The following AUTS2 variants were observed in gnomAD, a reference collection of about 807,000 sequenced individuals.
The protein encoded by AUTS2 is activator of transcription and developmental regulator AUTS2.
AUTS2 carries 17 observed loss-of-function variants against 112.4 expected under a neutral mutation model. The observed-to-expected ratio is 0.15, with a 90% confidence interval of 0.10 to 0.23. The LOEUF is 0.23. Ranked by LOEUF, AUTS2 falls within the 10% of genes least tolerant of loss-of-function variation. The probability of loss-of-function intolerance (pLI) is 1.00; values close to 1 mark genes in which losing one functional copy is unlikely to be tolerated. For synonymous variants in AUTS2, 751 were observed against 702.7 expected (o/e 1.07, Z -1.09); for missense variants, 1,510 against 1,701.6 (o/e 0.89, Z 1.98).
At chr7:69,977,944 G>A (rs906969725) in intron 2 of AUTS2, among the ~76,000 whole-genome samples, 35 of 152,214 alleles carry the variant, frequency 2.3e-4, no homozygotes, top group South Asian at 1.5e-3. Flanking sequence ...TTTATTTTAT[G>A]TATAATGTTG....
At chr7:70,334,875 G>A (rs942971036) in intron 4 of AUTS2, among the ~76,000 whole-genome samples, 2 of 152,168 alleles carry the variant, frequency 1.3e-5, no homozygotes, top group Non-Finnish European at 2.9e-5. Flanking sequence ...TATGTATGGA[G>A]ATAGACCTGC....
Position 70,790,744 on chromosome 7 carries a change from C to T in AUTS2, c.3528C>T (p.Asp1176=), listed in dbSNP as rs370411881. ...ACTCCGTGCACCCCGCCTCCCTCGA[C>T]GGACACCTCCCCCACCCCAGCCTCA... ...RLHSVHPASL[D]GHLPHPSLIT... Residue 1176 remains aspartate, a synonymous_variant, in exon 19 of 19, where the codon GAC becomes GAT. Transcript: ENST00000342771. This position sits in a 1 kb window ranked among gnomAD's most constrained non-coding sequence, Gnocchi z 7.6. 7.4e-6 allele frequency: 12 copies of T among 1,613,390 alleles called. No homozygotes were observed. The highest frequency in any genetic ancestry group is 6.7e-5 in the Admixed American group (4 of 59,986).
intron 5 of AUTS2, among the ~76,000 whole-genome samples, chr7:70,554,503 T>C (rs1280910773): frequency 1.3e-5 from 2 of 148,546 alleles, no homozygotes; most frequent in African/African-American, 5.0e-5. Context: ...CATTTATTAA[T>C]AACCCCCAAC....
At chr7:70,658,680 T>C (rs1012543345) in intron 5 of AUTS2, among the ~76,000 whole-genome samples, 1 of 152,188 alleles carries the variant, frequency 6.6e-6, no homozygotes, top group African/African-American at 2.4e-5. Context: ...AACAGCCCAG[T>C]GTCTTGGAAA....
intron 6 of AUTS2, among the ~76,000 whole-genome samples, chr7:70,737,910 T>C (rs1787865542): frequency 6.6e-6 from 1 of 152,164 alleles, no homozygotes; most frequent in African/African-American, 2.4e-5. Flanking sequence ...TGCAGCCAAT[T>C]AGCAATAAAG....
intron 5 of AUTS2, among the ~76,000 whole-genome samples, chr7:70,612,653 T>A (rs1220598325): frequency 6.6e-6 from 1 of 152,088 alleles, no homozygotes; most frequent in East Asian, 1.9e-4. Flanking sequence ...ACCTTCCATT[T>A]CAAGGAGACT....
chr7:69,711,122 A>G (rs1462401705), intron 1 of AUTS2, among the ~76,000 whole-genome samples: 1 of 152,176 alleles, frequency 6.6e-6, no homozygotes, highest in Non-Finnish European at 1.5e-5. Flanking sequence ...TATTTAAAGT[A>G]TGATTGAGGT....
intron 5 of AUTS2, among the ~76,000 whole-genome samples, chr7:70,563,626 G>A (rs769878972): frequency 8.5e-5 from 13 of 152,152 alleles, no homozygotes; most frequent in Non-Finnish European, 1.3e-4. Context: ...CGGAGATGGC[G>A]GAGAGGGATT....
intron 4 of AUTS2, chr7:70,290,870 A>G (rs2129611912): frequency 6.1e-6 from 1 of 165,120 alleles, no homozygotes; most frequent in South Asian, 2.0e-4. Flanking sequence ...GCCAAACATA[A>G]TCGACAGTTA....
At chr7:70,396,554 T>C (rs1158779317) in intron 4 of AUTS2, among the ~76,000 whole-genome samples, 2 of 152,120 alleles carry the variant, frequency 1.3e-5, no homozygotes, top group Admixed American at 1.3e-4. Context: ...TGTTTGTATC[T>C]TTAGTAGAGA....
At chr7:69,686,369 G>C (rs1032378465) in intron 1 of AUTS2, among the ~76,000 whole-genome samples, 1 of 152,060 alleles carries the variant, frequency 6.6e-6, no homozygotes, top group Admixed American at 6.6e-5. Flanking sequence ...CTAAAAATAG[G>C]AATAAATCCT....
chr7:70,184,656 G>T (rs1809502698), intron 4 of AUTS2, among the ~76,000 whole-genome samples: 1 of 151,918 alleles, frequency 6.6e-6, no homozygotes, highest in Non-Finnish European at 1.5e-5. Flanking sequence ...GAAATTTTTA[G>T]GCTTCTTCAG....
chr7:70,091,955 G>A (rs531779554), intron 2 of AUTS2, among the ~76,000 whole-genome samples: 5 of 152,244 alleles, frequency 3.3e-5, no homozygotes, highest in Admixed American at 3.3e-4. Context: ...TAGCTATCAA[G>A]TAGGGGGGAT....
chr7:70,694,585 G>A lies in AUTS2; in HGVS notation c.691-3984G>A, dbSNP rs1808963376. 6.7e-6 allele frequency: 1 copy of A among 148,540 alleles called. No individual in the cohort carries two copies. The highest frequency in any genetic ancestry group is 2.4e-5 in the African/African-American group (1 of 40,898). 9.2% of individuals were successfully genotyped at this position (148,540 alleles called of 1,614,324 possible). A position where few individuals can be genotyped will look rare whatever the true frequency, so the allele number is the denominator to read the frequency against. ...CCGCCGCCGCCTCGCTCTTAGCTCCGCGCGCCGCGGCGGCGGCTCAGGCCG... is the reference window on the plus strand; with the variant it reads ...CCGCCGCCGCCTCGCTCTTAGCTCCACGCGCCGCGGCGGCGGCTCAGGCCG... On this transcript the variant is annotated intron_variant, in intron 5 of 18. Transcript: ENST00000342771. The surrounding 1 kb of genome is among the most constrained non-coding windows in gnomAD (Gnocchi z 4.1).
intron 2 of AUTS2, among the ~76,000 whole-genome samples, chr7:70,068,445 A>G (rs1375937205): frequency 6.6e-6 from 1 of 152,134 alleles, no homozygotes; most frequent in Middle Eastern, 3.4e-3. Context: ...TGGCCTCCCA[A>G]AGTGCTGAGA....
Position 69,715,393 on chromosome 7 carries a change from A to G in AUTS2, c.309+115431A>G, listed in dbSNP as rs575686677. Reference sequence around the variant, plus strand: ...TCTTAACCAGAAGGCAATCAAGGACATACTTGAGGTCGGGAACAGATATTT... The same window carrying G: ...TCTTAACCAGAAGGCAATCAAGGACGTACTTGAGGTCGGGAACAGATATTT... On this transcript the variant is annotated intron_variant, in intron 1 of 18. Transcript: ENST00000342771. Among the ~76,000 whole-genome samples the G allele has an allele frequency of 1.1e-4, 16 of 152,294 alleles. No homozygotes were observed. The South Asian group carries it at 3.1e-3, about 30-fold the overall frequency.
At chr7:69,999,861 C>G (rs932418820) in intron 2 of AUTS2, among the ~76,000 whole-genome samples, 4 of 152,098 alleles carry the variant, frequency 2.6e-5, no homozygotes, top group African/African-American at 9.7e-5. Context: ...AAGTTTGCAG[C>G]TTTTGAGTTA....
intron 1 of AUTS2, among the ~76,000 whole-genome samples, chr7:69,839,018 C>G (rs1046880337): frequency 4.6e-5 from 7 of 152,088 alleles, no homozygotes; most frequent in African/African-American, 1.2e-4. Flanking sequence ...TGCCTCCGTA[C>G]CCATTGGGGG....
chr7:69,916,991 A>G (rs2129542402), intron 2 of AUTS2, among the ~76,000 whole-genome samples: 1 of 152,232 alleles, frequency 6.6e-6, no homozygotes. Context: ...CTTTCTTTAT[A>G]TGGTATAGAA....
Sources: allele counts gnomAD v4.1 joint callset (sites outside exome capture counted in the v4.1 genomes callset), GRCh38; gene constraint gnomAD v4.1.1; non-coding constraint Gnocchi (gnomAD v3.1); transcripts MANE v1.5; gene names NCBI Gene and HGNC (gene_info 2026-07-23, HGNC 2026-07-21).